FRMPD4: variants seen among roughly 807,000 people sequenced by gnomAD.
FRMPD4 encodes the protein FERM and PDZ domain-containing protein 4.
A neutral mutation model predicts 94.1 loss-of-function variants in FRMPD4; 22 were observed. That is an observed-to-expected ratio of 0.23 (90% CI 0.17 to 0.33). The LOEUF is 0.33. FRMPD4 is among the 10% of genes least tolerant of loss of function. The pLI, the probability that FRMPD4 is intolerant of heterozygous loss-of-function variation, is 1.00. For synonymous variants in FRMPD4, 631 were observed against 548.6 expected, an observed-to-expected ratio of 1.15 and a Z score of -2.10; for missense variants, 1,111 against 1,339.9, an observed-to-expected ratio of 0.83 and a Z score of 2.67.
chrX:12,277,523 C>T (rs2054459404), intron 1 of FRMPD4, among the ~76,000 whole-genome samples: 1 of 111,943 alleles, frequency 8.9e-6, no homozygotes, highest in Admixed American at 9.4e-5. Context: ...TTTGTTTGTA[C>T]AGATTTGTTT....
Position 12,679,789 on chromosome X carries a change from G to C in FRMPD4, c.469-3694G>C, listed in dbSNP as rs1360965303. ...CTTGTTTCCCAGAGGTTCCCAGCAG[G>C]AGTAAGCTCCAGTTGCCTATAATGG... is the stretch of plus-strand genomic sequence containing the variant. On this transcript the variant is annotated intron_variant, in intron 5 of 16. Coordinates refer to ENST00000675598, the MANE Select transcript of FRMPD4 (RefSeq NM_001368397.1). Among the ~76,000 whole-genome samples the C allele has an allele frequency of 7.1e-5, 8 of 111,948 alleles. No homozygotes were observed. In the Admixed American group the frequency reaches 7.5e-4, roughly 11 times the overall value.
chrX:11,900,644 C>G (rs1419537506), intron 3 of FRMPD4, among the ~76,000 whole-genome samples: 1 of 110,951 alleles, frequency 9.0e-6, no homozygotes, highest in Non-Finnish European at 1.9e-5. Context: ...TATATACCCT[C>G]CCCTAGGCAA....
intron 1 of FRMPD4, among the ~76,000 whole-genome samples, chrX:12,466,273 G>A (rs1234433828): frequency 8.9e-6 from 1 of 112,139 alleles, no homozygotes; most frequent in Non-Finnish European, 1.9e-5. Context: ...TTCGGTTTAT[G>A]TTCTCAGAAA....
intron 3 of FRMPD4, among the ~76,000 whole-genome samples, chrX:12,020,259 G>A: frequency 8.9e-6 from 1 of 112,443 alleles, no homozygotes; most frequent in Non-Finnish European, 1.9e-5. Flanking sequence ...CACATAGCAA[G>A]AATTTATTTA....
At chrX:12,030,907 C>A (rs2054687934) in intron 3 of FRMPD4, among the ~76,000 whole-genome samples, 1 of 111,898 alleles carries the variant, frequency 8.9e-6, no homozygotes, top group Non-Finnish European at 1.9e-5. Flanking sequence ...TAACAGATTC[C>A]AATAATGCCT....
intron 3 of FRMPD4, among the ~76,000 whole-genome samples, chrX:11,903,620 C>T (rs547374720): frequency 1.6e-4 from 18 of 112,255 alleles, no homozygotes; most frequent in Admixed American, 9.4e-4. Context: ...ACCCAATATT[C>T]GAATCATAGT....
chrX:12,706,783 T>G (rs954868914), intron 11 of FRMPD4, 43 bp from the exon 12 acceptor site: 2 of 687,108 alleles, frequency 2.9e-6, no homozygotes, highest in African/African-American at 4.4e-5. Flanking sequence ...AATGGAGTCA[T>G]ACCCAATAGA....
intron 1 of FRMPD4, among the ~76,000 whole-genome samples, chrX:12,177,435 AAAAT>A (rs2056308884): frequency 8.9e-6 from 1 of 112,649 alleles, no homozygotes; most frequent in Non-Finnish European, 1.9e-5. Context: ...TGCAAGGAAA[AAAAT>A]AAGACATTTC....
intron 1 of FRMPD4, among the ~76,000 whole-genome samples, chrX:12,173,266 G>A (rs1474944720): frequency 8.9e-6 from 1 of 112,233 alleles, no homozygotes; most frequent in Non-Finnish European, 1.9e-5. Context: ...CCAGATTGTA[G>A]TAGTAAATTA....
At chrX:12,365,331 A>G (rs1336082206) in intron 1 of FRMPD4, among the ~76,000 whole-genome samples, 2 of 111,674 alleles carry the variant, frequency 1.8e-5, no homozygotes, top group Non-Finnish European at 3.8e-5. Flanking sequence ...CCCAGGCCTT[A>G]CAGCTCTAAA....
intron 3 of FRMPD4, among the ~76,000 whole-genome samples, chrX:12,022,753 C>T (rs1358849413): frequency 9.0e-6 from 1 of 111,159 alleles, no homozygotes; most frequent in Non-Finnish European, 1.9e-5. Flanking sequence ...TTAGTCTTGG[C>T]TTTCGGTAGG....
intron 3 of FRMPD4, among the ~76,000 whole-genome samples, chrX:12,133,209 A>ATTTAT (rs60859880): frequency 0.088 from 8,649 of 98,088 alleles, 933 homozygotes; most frequent in East Asian, 0.58. Flanking sequence ...GTTTCTAAAA[A>ATTTAT]TTTATTTTAT....
chrX:12,447,241 T>C (rs1329115377), intron 1 of FRMPD4, among the ~76,000 whole-genome samples: 1 of 111,764 alleles, frequency 8.9e-6, no homozygotes, highest in East Asian at 2.8e-4. Flanking sequence ...GGCCAGATAA[T>C]TTTTTGTCCT....
chrX:12,541,784 CA>C (rs1243481904), intron 2 of FRMPD4, among the ~76,000 whole-genome samples: 5 of 111,286 alleles, frequency 4.5e-5, no homozygotes. Flanking sequence ...AGAGACACAA[CA>C]AAAAAAGAGA....
At chrX:12,097,679 G>T (rs1410004856) in intron 3 of FRMPD4, among the ~76,000 whole-genome samples, 1 of 112,429 alleles carries the variant, frequency 8.9e-6, no homozygotes, top group Non-Finnish European at 1.9e-5. Flanking sequence ...TAATGCAATG[G>T]TCTTTTGTGT....
intron 4 of FRMPD4, among the ~76,000 whole-genome samples, chrX:12,621,968 G>GAGAAAGAGAGAAAGAA: frequency 2.4e-5 from 1 of 41,074 alleles, no homozygotes; most frequent in Non-Finnish European, 4.4e-5. Context: ...AAGAAAGAAA[G>GAGAAAGAGAGAAAGAA]AGAAAGAAAG....
At chrX:12,187,057 G>C (rs1471051994) in intron 1 of FRMPD4, among the ~76,000 whole-genome samples, 1 of 112,184 alleles carries the variant, frequency 8.9e-6, no homozygotes, top group African/African-American at 3.2e-5. Context: ...AAACACATTA[G>C]AGTGGAAAAG....
chrX:12,336,773 A>T (rs1166950754), intron 1 of FRMPD4, among the ~76,000 whole-genome samples: 2 of 112,146 alleles, frequency 1.8e-5, no homozygotes, highest in Admixed American at 1.9e-4. Context: ...CCGCTGGTTC[A>T]GGAAAAACGT....
intron 1 of FRMPD4, among the ~76,000 whole-genome samples, chrX:12,385,839 A>G (rs2056390311): frequency 1.8e-5 from 2 of 112,486 alleles, no homozygotes; most frequent in Non-Finnish European, 3.8e-5. Flanking sequence ...GTCCAAAGAG[A>G]AAGAGGGAAC....
Sources: gnomAD v4.1 joint callset for allele counts (sites outside exome capture counted in the v4.1 genomes callset) on GRCh38, gnomAD v4.1.1 for gene constraint, MANE v1.5 for transcripts, NCBI Gene and HGNC (gene_info 2026-07-23, HGNC 2026-07-21) for gene names.